Variants in ADAMTSL1 observed in about 807,000 individuals in gnomAD.
ADAMTSL1 encodes ADAMTS like 1, also known as ADAMTS-like protein 1.
In ADAMTSL1, 126 loss-of-function variants were observed where a neutral mutation model predicts 201.8. That is an observed-to-expected ratio of 0.62 (90% CI 0.54 to 0.72). The LOEUF (loss-of-function observed/expected upper bound fraction) is 0.72, where lower values mean the gene tolerates loss of function less well. ADAMTSL1 is among the 30% of genes least tolerant of loss of function. The pLI, the probability that ADAMTSL1 is intolerant of heterozygous loss-of-function variation, is 0.00. For missense variants in ADAMTSL1, 2,679 were observed against 2,277.8 expected (o/e 1.18, Z -3.59); for synonymous variants, 1,121 against 903.4 (o/e 1.24, Z -4.32).
intron 1 of ADAMTSL1, among the ~76,000 whole-genome samples, chr9:18,498,950 A>G (rs1822686032): frequency 6.6e-6 from 1 of 152,280 alleles, no homozygotes; most frequent in African/African-American, 2.4e-5. Flanking sequence ...GGCTTAGTGC[A>G]GTTAGTCGCC....
chr9:18,777,068 T>A lies in ADAMTSL1; in HGVS notation c.2839T>A (p.Cys947Ser). The change falls in exon 19 of 29, where the codon TGC becomes AGC. Residue 947 changes from cysteine (C) to serine (S), a missense_variant. Cys to Ser is a moderately radical substitution (Grantham distance 112). Transcript: ENST00000380548. Reference protein sequence around the residue: ...LKPSDAGVYTCSAGPAREHFV... With the variant: ...LKPSDAGVYTSSAGPAREHFV... Reference sequence around the variant, plus strand: ...GCCCTCGGATGCAGGCGTCTACACCTGCTCAGCGGGCCCGGCCCGGGAGCA... The same window carrying A: ...GCCCTCGGATGCAGGCGTCTACACCAGCTCAGCGGGCCCGGCCCGGGAGCA... 1 of 1,613,318 alleles carries A rather than the reference T, an allele frequency of 6.2e-7. No individual in the cohort carries two copies. The highest frequency in any genetic ancestry group is 8.5e-7 in the Non-Finnish European group (1 of 1,179,774).
intron 13 of ADAMTSL1, among the ~76,000 whole-genome samples, chr9:18,692,231 A>T (rs1409415548): frequency 1.3e-5 from 2 of 152,252 alleles, no homozygotes; most frequent in East Asian, 3.8e-4. Context: ...TACAAAAATG[A>T]GTAAGAAAAG....
intron 1 of ADAMTSL1, among the ~76,000 whole-genome samples, chr9:18,479,650 T>C (rs1406136278): frequency 6.6e-6 from 1 of 152,196 alleles, no homozygotes; most frequent in African/African-American, 2.4e-5. Flanking sequence ...GCCCATCTCT[T>C]ACTTATCTTA....
chr9:18,195,228 T>C (rs1829127155), intron 2 of ADAMTSL1, among the ~76,000 whole-genome samples: 1 of 152,160 alleles, frequency 6.6e-6, no homozygotes, highest in African/African-American at 2.4e-5. Flanking sequence ...TGGAAGTGGT[T>C]CTACCCTTGC....
chr9:18,284,923 A>C (rs1004374404), intron 2 of ADAMTSL1, among the ~76,000 whole-genome samples: 8 of 151,630 alleles, frequency 5.3e-5, no homozygotes, highest in African/African-American at 1.9e-4. Context: ...GATGTGCCAC[A>C]GTCTGTTTAA....
intron 23 of ADAMTSL1, among the ~76,000 whole-genome samples, chr9:18,865,210 G>T (rs555016466): frequency 9.2e-5 from 14 of 151,972 alleles, no homozygotes; most frequent in African/African-American, 2.7e-4. Flanking sequence ...CCCACAATAG[G>T]CCCCGGTGTG....
At chr9:18,884,141 CT>C (rs1169969585) in intron 23 of ADAMTSL1, among the ~76,000 whole-genome samples, 3 of 152,068 alleles carry the variant, frequency 2.0e-5, no homozygotes, top group Non-Finnish European at 4.4e-5. Context: ...CTCATGGTGG[CT>C]TTAATTTGCA....
At chr9:18,446,741 T>A (rs754239775) in intron 2 of ADAMTSL1, among the ~76,000 whole-genome samples, 2 of 152,246 alleles carry the variant, frequency 1.3e-5, no homozygotes, top group Non-Finnish European at 2.9e-5. Flanking sequence ...CTCAACATGT[T>A]CTTACCTATG....
chr9:18,078,155 G>C (rs1207324774), intron 1 of ADAMTSL1, among the ~76,000 whole-genome samples: 2 of 152,190 alleles, frequency 1.3e-5, no homozygotes, highest in Admixed American at 6.5e-5. Context: ...TGAGCACGGA[G>C]TTCAAGTGAA....
chr9:18,504,695 G>A (rs1170097500), intron 1 of ADAMTSL1, 134 bp from the exon 2 acceptor site: 3 of 1,258,730 alleles, frequency 2.4e-6, no homozygotes, highest in Non-Finnish European at 3.4e-6. Context: ...AAAAGAATCC[G>A]AGAATCTGAT....
At chr9:18,026,172 T>G (rs948818940) in intron 1 of ADAMTSL1, among the ~76,000 whole-genome samples, 1 of 152,076 alleles carries the variant, frequency 6.6e-6, no homozygotes, top group African/African-American at 2.4e-5. Context: ...ATTTACTTCT[T>G]CTTTTTCTAT....
chr9:18,874,020 T>C (rs1256645056), intron 23 of ADAMTSL1, among the ~76,000 whole-genome samples: 1 of 152,120 alleles, frequency 6.6e-6, no homozygotes, highest in Non-Finnish European at 1.5e-5. Context: ...CTTGGTTAGG[T>C]ATATTCGTAA....
At chr9:18,802,114 C>T (rs1392963303) in intron 20 of ADAMTSL1, among the ~76,000 whole-genome samples, 1 of 151,974 alleles carries the variant, frequency 6.6e-6, no homozygotes, top group Non-Finnish European at 1.5e-5. Flanking sequence ...CCCATCTCTA[C>T]AAAAATAAAA....
At chr9:18,172,419 A>C (rs1004017967) in intron 2 of ADAMTSL1, among the ~76,000 whole-genome samples, 1 of 152,214 alleles carries the variant, frequency 6.6e-6, no homozygotes, top group Admixed American at 6.5e-5. Flanking sequence ...TACAAATTAA[A>C]ATAACAGAAA....
intron 1 of ADAMTSL1, among the ~76,000 whole-genome samples, chr9:17,963,627 C>G (rs574919693): frequency 1.4e-4 from 22 of 152,226 alleles, no homozygotes; most frequent in Non-Finnish European, 2.5e-4. Context: ...TTCTGGAAGC[C>G]TGAGTTCTAG....
At chr9:18,358,203 T>TAGAAATATATTA (rs1836342630) in intron 2 of ADAMTSL1, among the ~76,000 whole-genome samples, 4 of 152,186 alleles carry the variant, frequency 2.6e-5, no homozygotes, top group Admixed American at 2.6e-4. Flanking sequence ...TAACAGTGCC[T>TAGAAATATATTA]GGAATAAGGG....
intron 2 of ADAMTSL1, among the ~76,000 whole-genome samples, chr9:18,207,594 G>T (rs923746605): frequency 1.3e-5 from 2 of 152,136 alleles, no homozygotes; most frequent in Non-Finnish European, 2.9e-5. Flanking sequence ...AAGATAAGAA[G>T]TTAAACTCTT....
At chr9:18,896,044 A>G (rs1829616365) in intron 26 of ADAMTSL1, among the ~76,000 whole-genome samples, 1 of 152,214 alleles carries the variant, frequency 6.6e-6, no homozygotes, top group Non-Finnish European at 1.5e-5. Context: ...TAGATAGGCC[A>G]ATAAAAATAG....
At chr9:18,513,072 G>A (rs1818130247) in intron 2 of ADAMTSL1, among the ~76,000 whole-genome samples, 2 of 152,158 alleles carry the variant, frequency 1.3e-5, no homozygotes, top group African/African-American at 4.8e-5. Flanking sequence ...ACTGAGCTGG[G>A]AAGGATCTTA....
Sources: allele counts gnomAD v4.1 joint callset (sites outside exome capture counted in the v4.1 genomes callset), GRCh38; gene constraint gnomAD v4.1.1; transcripts MANE v1.5; gene names NCBI Gene and HGNC (gene_info 2026-07-23, HGNC 2026-07-21).